Variants in DYRK1A observed in about 807,000 individuals in gnomAD.
DYRK1A encodes the protein dual specificity tyrosine phosphorylation regulated kinase 1A.
In DYRK1A, 9 loss-of-function variants were observed where a neutral mutation model predicts 79.7. The observed-to-expected ratio is 0.11, with a 90% CI of 0.07 to 0.20. The LOEUF (loss-of-function observed/expected upper bound fraction) is 0.20. Among genes scored for constraint, DYRK1A ranks in the 10% least tolerant of loss-of-function variants. DYRK1A has a pLI of 1.00. For missense variants in DYRK1A, 622 were observed against 956.0 expected (o/e 0.65, Z 4.61); for synonymous variants, 349 against 329.7 (o/e 1.06, Z -0.63).
chr21:37,373,075 G>A (rs1393027914), intron 1 of DYRK1A, among the ~76,000 whole-genome samples: 1 of 152,046 alleles, frequency 6.6e-6, no homozygotes, highest in Non-Finnish European at 1.5e-5. Flanking sequence ...AGGGGGTTTA[G>A]ATTCATAGAA....
At chr21:37,438,870 A>G (rs1301717191) in intron 2 of DYRK1A, among the ~76,000 whole-genome samples, 4 of 152,150 alleles carry the variant, frequency 2.6e-5, no homozygotes, top group Admixed American at 6.5e-5. Flanking sequence ...GTTTGCTAGG[A>G]TGTTGATTGG....
chr21:37,457,001 G>A (rs1325824718), intron 2 of DYRK1A, among the ~76,000 whole-genome samples: 3 of 149,882 alleles, frequency 2.0e-5, no homozygotes, highest in Non-Finnish European at 3.0e-5. Context: ...TGCTTGAGAG[G>A]TAAAAAGAAA....
At chr21:37,464,067 G>C (rs560771189) in intron 2 of DYRK1A, among the ~76,000 whole-genome samples, 2 of 152,296 alleles carry the variant, frequency 1.3e-5, no homozygotes, top group African/African-American at 2.4e-5. Context: ...ATAACATTCA[G>C]ATCTACAAGT....
In DYRK1A at chr21:37,493,136, A is replaced by C; in HGVS notation, c.1044A>C (p.Gly348=). The change falls in exon 8 of 12, where the codon GGA becomes GGC. Residue 348 remains glycine (G), a synonymous_variant. Coordinates refer to ENST00000647188, the MANE Select transcript of DYRK1A (RefSeq NM_001347721.2). The stretch of plus-strand genomic sequence containing the variant: ...GTATTTTGGTTGAAATGCACACTGG[A>C]GAACCTCTGTTCAGTGGTGCCAATG... The part of the protein sequence containing the change: ...LGCILVEMHT[G]EPLFSGANEV... 1 of 1,613,220 alleles carries C rather than the reference A, an allele frequency of 6.2e-7. No individual in the cohort carries two copies. Among genetic ancestry groups the C allele is most frequent in the Non-Finnish European group, 8.5e-7 (1 of 1,179,362 alleles).
Position 37,402,041 on chromosome 21 carries a change from GATTT to G in DYRK1A, c.-76-18255_-76-18252del, listed in dbSNP as rs1377967610. Among the ~76,000 whole-genome samples, 6 of 152,194 alleles carry G rather than the reference GATTT, an allele frequency of 3.9e-5. No homozygotes were observed. In the East Asian group the frequency reaches 1.2e-3, roughly 29 times the overall value. On this transcript the variant is annotated intron_variant, in intron 1 of 11. Coordinates refer to ENST00000647188, the MANE Select transcript of DYRK1A (RefSeq NM_001347721.2). ...TAGTAGCCATAAAGAGCATCAGATT[GATTT>G]ATCTGCCATCCCTTTGTGCAATTGC...
chr21:37,476,830 C>CT (rs2052415227), intron 3 of DYRK1A, among the ~76,000 whole-genome samples: 1 of 148,112 alleles, frequency 6.8e-6, no homozygotes, highest in African/African-American at 2.5e-5. Flanking sequence ...CCCCCCCCCC[C>CT]AACCTTATTT....
intron 2 of DYRK1A, among the ~76,000 whole-genome samples, chr21:37,455,552 T>G (rs934835989): frequency 6.6e-6 from 1 of 152,192 alleles, no homozygotes; most frequent in African/African-American, 2.4e-5. Flanking sequence ...CAGCTGTCTC[T>G]TATCTGTCGT....
chr21:37,507,954 C>A (rs1210342565), intron 11 of DYRK1A, among the ~76,000 whole-genome samples: 1 of 152,180 alleles, frequency 6.6e-6, no homozygotes, highest in Non-Finnish European at 1.5e-5. Flanking sequence ...TGTGCACACA[C>A]AGCACATAAA....
chr21:37,471,404 A>T (rs2052219713), intron 2 of DYRK1A, among the ~76,000 whole-genome samples: 1 of 152,156 alleles, frequency 6.6e-6, no homozygotes, highest in Non-Finnish European at 1.5e-5. Flanking sequence ...TGTTTTGCAG[A>T]GTGTGTGCCA....
chr21:37,381,958 G>A (rs140366122), intron 1 of DYRK1A, among the ~76,000 whole-genome samples: 3 of 152,308 alleles, frequency 2.0e-5, no homozygotes, highest in East Asian at 1.9e-4. Flanking sequence ...AGAATGAGTC[G>A]TGTAGTTAGA....
chr21:37,376,148 C>G (rs1441360233), intron 1 of DYRK1A, among the ~76,000 whole-genome samples: 1 of 152,056 alleles, frequency 6.6e-6, no homozygotes, highest in South Asian at 2.1e-4. Flanking sequence ...CAGAATGATG[C>G]CTGCACTAAG....
At chr21:37,414,064 G>GAT (rs889972559) in intron 1 of DYRK1A, among the ~76,000 whole-genome samples, 11 of 151,986 alleles carry the variant, frequency 7.2e-5, no homozygotes, top group Non-Finnish European at 1.5e-4. Flanking sequence ...TTGATATAAA[G>GAT]ATATATATGT....
At chr21:37,404,383 C>G (rs969781316) in intron 1 of DYRK1A, among the ~76,000 whole-genome samples, 2 of 152,176 alleles carry the variant, frequency 1.3e-5, no homozygotes, top group Non-Finnish European at 1.5e-5. Context: ...TGCTCATTGT[C>G]TATCATTTTG....
chr21:37,490,141 A>G, intron 6 of DYRK1A, 34 bp from the exon 7 acceptor site: 1 of 1,587,908 alleles, frequency 6.3e-7, no homozygotes, highest in Non-Finnish European at 8.6e-7. Flanking sequence ...TTATTGGTAT[A>G]TATAATTTAA....
At chr21:37,434,288 T>C (rs2050860469) in intron 2 of DYRK1A, among the ~76,000 whole-genome samples, 2 of 152,218 alleles carry the variant, frequency 1.3e-5, no homozygotes, top group South Asian at 4.1e-4. Flanking sequence ...TTTTTCATGA[T>C]GTGGAATGAA....
chr21:37,478,556 ATTT>A (rs2052486138), intron 4 of DYRK1A, among the ~76,000 whole-genome samples: 1 of 151,982 alleles, frequency 6.6e-6, no homozygotes, highest in Admixed American at 6.6e-5. Flanking sequence ...TCTTTTTTTA[ATTT>A]TTATTTTTTG....
At chr21:37,472,195 G>A (rs970371609) in intron 2 of DYRK1A, among the ~76,000 whole-genome samples, 1 of 152,142 alleles carries the variant, frequency 6.6e-6, no homozygotes, top group Non-Finnish European at 1.5e-5. Context: ...TTGATTGCCT[G>A]TGTCAGTGGA....
chr21:37,509,550 G>A (rs2053694781), intron 11 of DYRK1A, among the ~76,000 whole-genome samples: 1 of 152,126 alleles, frequency 6.6e-6, no homozygotes, highest in South Asian at 2.1e-4. Flanking sequence ...GGGCTCAAGT[G>A]ATCCTCCCAC....
At chr21:37,464,404 A>G in intron 2 of DYRK1A, 1 of 362,702 alleles carries the variant, frequency 2.8e-6, no homozygotes, top group Non-Finnish European at 5.3e-6. Context: ...AAGTTTAGCA[A>G]AGTTACAGAA....
Sources: gnomAD v4.1 joint callset for allele counts (sites outside exome capture counted in the v4.1 genomes callset) on GRCh38, gnomAD v4.1.1 for gene constraint, MANE v1.5 for transcripts, NCBI Gene and HGNC (gene_info 2026-07-23, HGNC 2026-07-21) for gene names.